PRKN: variants seen among roughly 807,000 people sequenced by gnomAD.
The protein encoded by PRKN is E3 ubiquitin-protein ligase parkin.
PRKN carries 56 observed loss-of-function variants against 59.5 expected under a neutral mutation model. That is an observed-to-expected ratio of 0.94 (90% CI 0.76 to 1.18). The LOEUF (loss-of-function observed/expected upper bound fraction) is 1.18. Among genes scored for constraint, PRKN ranks in the 50% most tolerant of loss-of-function variants. PRKN has a pLI of 0.00. For synonymous variants in PRKN, 250 were observed against 222.1 expected (o/e 1.13, Z -1.12); for missense variants, 657 against 596.4 (o/e 1.10, Z -1.06).
intron 2 of PRKN, among the ~76,000 whole-genome samples, chr6:162,363,461 C>G (rs1171877694): frequency 6.6e-6 from 1 of 152,126 alleles, no homozygotes; most frequent in Non-Finnish European, 1.5e-5. Flanking sequence ...ATAAATATGT[C>G]TATTTGAAAA....
At chr6:162,120,660 T>C (rs1476954408) in intron 4 of PRKN, among the ~76,000 whole-genome samples, 3 of 152,194 alleles carry the variant, frequency 2.0e-5, no homozygotes, top group African/African-American at 4.8e-5. Context: ...AATATGTAAT[T>C]AGAACAGACA....
chr6:162,652,758 C>G (rs1456621974), intron 1 of PRKN, among the ~76,000 whole-genome samples: 1 of 151,758 alleles, frequency 6.6e-6, no homozygotes, highest in African/African-American at 2.4e-5. Context: ...TGGGCAACAG[C>G]TGACTGACAC....
chr6:161,704,600 T>A (rs145366206), intron 7 of PRKN, among the ~76,000 whole-genome samples: 1 of 152,130 alleles, frequency 6.6e-6, no homozygotes, highest in East Asian at 1.9e-4. Context: ...AAGCAGAAAA[T>A]CTGCACACCC....
Position 162,100,440 on chromosome 6 carries a change from CTT to C in PRKN, c.535-46268_535-46267del, listed in dbSNP as rs367608174. On this transcript the variant is annotated intron_variant, in intron 4 of 11. Coordinates refer to ENST00000366898, the MANE Select transcript of PRKN (RefSeq NM_004562.3). ...TGCCAGCGCTTATCACTTATTATCTCTTGTCTTTCTTGTCTTTTTTTTTTTTT... is the reference window on the plus strand; with the variant it reads ...TGCCAGCGCTTATCACTTATTATCTCGTCTTTCTTGTCTTTTTTTTTTTTT... 4.9e-3 allele frequency among the ~76,000 whole-genome samples: 741 copies of C among 151,190 alleles called. 6 individuals carry two copies. The highest frequency in any genetic ancestry group is 0.017 in the African/African-American group (690 of 41,340).
rs551052816 is a variant in PRKN at position 162,293,127 on chromosome 6, G to A, written c.172-30362C>T. Reference sequence around the variant, plus strand: ...CAAGCTTCAACATCAGATGTAAAGGGAAGGAAAAGAAAATTGATTCCACAA... The same window carrying A: ...CAAGCTTCAACATCAGATGTAAAGGAAAGGAAAAGAAAATTGATTCCACAA... On this transcript the variant is annotated intron_variant, in intron 2 of 11. Coordinates refer to ENST00000366898, the MANE Select transcript of PRKN (RefSeq NM_004562.3). Among the ~76,000 whole-genome samples the A allele has an allele frequency of 7.2e-5, 11 of 152,292 alleles. No homozygotes were observed. The South Asian group carries it at 1.0e-3, about 14-fold the overall frequency.
intron 2 of PRKN, among the ~76,000 whole-genome samples, chr6:162,393,146 T>G (rs1162150754): frequency 6.8e-6 from 1 of 147,860 alleles, no homozygotes; most frequent in Admixed American, 6.8e-5. Flanking sequence ...TGGGTGAGGA[T>G]AGGAGATTCT....
Position 161,459,051 on chromosome 6 carries a change from C to G in PRKN, c.1084-72174G>C, listed in dbSNP as rs187613647. Among the ~76,000 whole-genome samples the G allele has an allele frequency of 6.6e-6, 1 of 152,282 alleles. No homozygotes were observed. The highest frequency in any genetic ancestry group is 1.9e-4 in the East Asian group (1 of 5,182). ...TAAGGCAAGGCTGAGCTTTCTAAAG[C>G]TACAAGCACTTCCTTCCTCAGAGAG... On this transcript the variant is annotated intron_variant, in intron 9 of 11. Coordinates refer to ENST00000366898, the MANE Select transcript of PRKN (RefSeq NM_004562.3). This position sits in a 1 kb window ranked among gnomAD's most constrained non-coding sequence, Gnocchi z 4.8.
chr6:161,638,738 A>ATTTTTTTTTTTTTT lies in PRKN; in HGVS notation c.872-69336_872-69323dup, dbSNP rs386409169. 4.4e-4 allele frequency among the ~76,000 whole-genome samples: 44 copies of ATTTTTTTTTTTTTT among 100,178 alleles called. 6 individuals are homozygous for ATTTTTTTTTTTTTT. Among genetic ancestry groups the ATTTTTTTTTTTTTT allele is most frequent in the African/African-American group, 1.3e-3 (29 of 22,292 alleles). The allele number at this position is 100,178 out of a possible 152,430, so 65.7% of individuals were successfully genotyped here. The stretch of plus-strand genomic sequence containing the variant: ...AGTGAGTGAGTTCTCACGAGATCTG[A>ATTTTTTTTTTTTTT]TTTTTTTTTTTTTTTTTTTTTGAGA... On this transcript the variant is annotated intron_variant, in intron 7 of 11. Coordinates refer to ENST00000366898, the MANE Select transcript of PRKN (RefSeq NM_004562.3).
chr6:162,293,269 G>A (rs1781522087), intron 2 of PRKN, among the ~76,000 whole-genome samples: 1 of 152,188 alleles, frequency 6.6e-6, no homozygotes, highest in Non-Finnish European at 1.5e-5. Flanking sequence ...CCCAGGAAAA[G>A]GATGAAAGGA....
In PRKN at chr6:161,799,218, C is replaced by T. The variant is rs139301175; in HGVS notation, c.735-13310G>A. Among the ~76,000 whole-genome samples the T allele has an allele frequency of 7.8e-3, 1,195 of 152,322 alleles. 17 individuals carry two copies. The highest frequency in any genetic ancestry group is 0.027 in the African/African-American group (1,122 of 41,570). On this transcript the variant is annotated intron_variant, in intron 6 of 11. Coordinates refer to ENST00000366898, the MANE Select transcript of PRKN (RefSeq NM_004562.3). ...TTCCTGTTCGAGGCTGTTGACTCCA[C>T]AAACACAGGGCTATCTTTCTGTATT...
chr6:161,443,229 G>C (rs1033097900), intron 9 of PRKN, among the ~76,000 whole-genome samples: 1 of 151,200 alleles, frequency 6.6e-6, no homozygotes, highest in Non-Finnish European at 1.5e-5. Flanking sequence ...AGAATTGCTT[G>C]AACCTGGGAG....
At chr6:161,783,312 C>A (rs1447493398) in intron 7 of PRKN, among the ~76,000 whole-genome samples, 2 of 151,958 alleles carry the variant, frequency 1.3e-5, no homozygotes, top group African/African-American at 4.8e-5. Context: ...TTCCACTAGG[C>A]CTAGAAACAG....
rs576097246 is a variant in PRKN at position 162,070,511 on chromosome 6, T to C, written c.535-16337A>G. On this transcript the variant is annotated intron_variant, in intron 4 of 11. Transcript: ENST00000366898. ...TTTGCATGGCCGAGTGGATGCTGAA[T>C]ATAAGCTGAGGTCAGTGGGCTGGTG... Among the ~76,000 whole-genome samples, 3 of 152,238 alleles carry C rather than the reference T, an allele frequency of 2.0e-5. No individual in the cohort carries two copies. The South Asian group carries it at 6.2e-4, about 32-fold the overall frequency.
rs576911606 is a variant in PRKN at position 161,795,615 on chromosome 6, A to G, written c.735-9707T>C. 7.5e-4 allele frequency among the ~76,000 whole-genome samples: 114 copies of G among 152,212 alleles called. 1 individual carries two copies. The highest frequency in any genetic ancestry group is 3.4e-3 in the Middle Eastern group (1 of 294). On this transcript the variant is annotated intron_variant, in intron 6 of 11. Transcript: ENST00000366898. Reference sequence around the variant, plus strand: ...TTCAACATATACTAATTGGAAGGCTACTATGCACCGGTCCCTGCACTAGAC... The same window carrying G: ...TTCAACATATACTAATTGGAAGGCTGCTATGCACCGGTCCCTGCACTAGAC...
intron 7 of PRKN, among the ~76,000 whole-genome samples, chr6:161,744,787 C>A (rs1327300527): frequency 6.6e-6 from 1 of 152,172 alleles, no homozygotes; most frequent in Non-Finnish European, 1.5e-5. Context: ...CACCTTCCAC[C>A]AGAGATGCTG....
rs751742289 is a variant in PRKN at position 162,262,782 on chromosome 6, TAAAAAAAAAAAAA to T, written c.172-30_172-18del. On this transcript the variant is annotated intron_variant, in intron 2 of 11. Transcript: ENST00000366898. ...GTCACAATTCTGTTTGGGAGCAAGGTAAAAAAAAAAAAAAAAAAAAAGGAAATGTCAAACATGA... is the reference window on the plus strand; with the variant it reads ...GTCACAATTCTGTTTGGGAGCAAGGTAAAAAAAAGGAAATGTCAAACATGA... 7.1e-5 allele frequency: 97 copies of T among 1,361,546 alleles called. 2 individuals are homozygous for T. Among genetic ancestry groups the T allele is most frequent in the East Asian group, 5.0e-4 (19 of 37,780 alleles). 84.3% of individuals were successfully genotyped at this position (1,361,546 alleles called of 1,614,324 possible). A position where few individuals can be genotyped will look rare whatever the true frequency, so the allele number is the denominator to read the frequency against.
In PRKN at chr6:161,377,446, A is replaced by G. The variant is rs1785764685; in HGVS notation, c.1167+9348T>C. ...GAGATTCCTTATGACACACTGAGGGATCCAAGCTTGGTTCACAATTGAGTT... is the reference window on the plus strand; with the variant it reads ...GAGATTCCTTATGACACACTGAGGGGTCCAAGCTTGGTTCACAATTGAGTT... On this transcript the variant is annotated intron_variant, in intron 10 of 11. Transcript: ENST00000366898. The surrounding 1 kb of genome is among the most constrained non-coding windows in gnomAD (Gnocchi z 4.2). Among the ~76,000 whole-genome samples the G allele has an allele frequency of 1.3e-5, 2 of 152,238 alleles. No homozygotes were observed. Among genetic ancestry groups the G allele is most frequent in the South Asian group, 4.1e-4 (2 of 4,836 alleles).
At chr6:161,988,621 A>G (rs551602760) in intron 5 of PRKN, among the ~76,000 whole-genome samples, 1 of 152,264 alleles carries the variant, frequency 6.6e-6, no homozygotes, top group South Asian at 2.1e-4. Flanking sequence ...AATTTAATTA[A>G]AAGCTAAAAA....
At chr6:161,452,043 C>T (rs995276370) in intron 9 of PRKN, among the ~76,000 whole-genome samples, 10 of 151,892 alleles carry the variant, frequency 6.6e-5, no homozygotes, top group African/African-American at 1.7e-4. Flanking sequence ...GCACCCTCCC[C>T]CTCCCGGGTT....
Sources: allele counts gnomAD v4.1 joint callset (sites outside exome capture counted in the v4.1 genomes callset), GRCh38; gene constraint gnomAD v4.1.1; non-coding constraint Gnocchi (gnomAD v3.1); transcripts MANE v1.5; gene names NCBI Gene and HGNC (gene_info 2026-07-23, HGNC 2026-07-21).